Variants in GRID2 observed in about 807,000 individuals in gnomAD.
GRID2 encodes the protein glutamate receptor ionotropic, delta-2.
A neutral mutation model predicts 114.8 loss-of-function variants in GRID2; 33 were observed. The ratio of observed to expected loss-of-function variants is 0.29; its 90% CI spans 0.22 to 0.38. GRID2 has a LOEUF of 0.38. Among genes scored for constraint, GRID2 ranks in the 10% least tolerant of loss-of-function variants. The probability of loss-of-function intolerance (pLI) is 1.00; values close to 1 mark genes in which losing one functional copy is unlikely to be tolerated. For synonymous variants in GRID2, 505 were observed against 449.9 expected, an observed-to-expected ratio of 1.12 and a Z score of -1.55; for missense variants, 1,184 against 1,257.7, an observed-to-expected ratio of 0.94 and a Z score of 0.89.
chr4:93,374,204 G>T (rs1033581955), intron 8 of GRID2, among the ~76,000 whole-genome samples: 4 of 152,044 alleles, frequency 2.6e-5, no homozygotes, highest in African/African-American at 9.7e-5. Context: ...ACCTAAAAAA[G>T]GCAATAATAT....
intron 4 of GRID2, among the ~76,000 whole-genome samples, chr4:93,207,114 CA>C (rs1560986113): frequency 6.6e-6 from 1 of 152,018 alleles, no homozygotes; most frequent in Non-Finnish European, 1.5e-5. Flanking sequence ...AGTTAAATCA[CA>C]AAACAGTGTA....
At chr4:93,333,580 G>T (rs1758724009) in intron 8 of GRID2, among the ~76,000 whole-genome samples, 1 of 152,110 alleles carries the variant, frequency 6.6e-6, no homozygotes, top group Admixed American at 6.6e-5. Flanking sequence ...ACCACTACTA[G>T]TATCCTTTGT....
chr4:92,884,544 T>G (rs912680366), intron 2 of GRID2: 1 of 155,330 alleles, frequency 6.4e-6, no homozygotes, highest in Non-Finnish European at 1.4e-5. Flanking sequence ...TTGTGTCTAG[T>G]TTTGATTTTA....
chr4:93,019,112 A>G (rs1378369361), intron 2 of GRID2, among the ~76,000 whole-genome samples: 1 of 152,134 alleles, frequency 6.6e-6, no homozygotes, highest in East Asian at 1.9e-4. Context: ...ATATTCATCA[A>G]TGTTTTTCAG....
chr4:92,546,782 C>T (rs1726284863), intron 1 of GRID2, among the ~76,000 whole-genome samples: 1 of 151,984 alleles, frequency 6.6e-6, no homozygotes, highest in African/African-American at 2.4e-5. Context: ...ATACTGCCTA[C>T]AAAGGAAAAA....
chr4:92,415,772 A>ATATATATATATATG (rs1731582640), intron 1 of GRID2, among the ~76,000 whole-genome samples: 3 of 123,254 alleles, frequency 2.4e-5, no homozygotes, highest in Non-Finnish European at 4.9e-5. Context: ...ATATATATAT[A>ATATATATATATATG]TATATATATC....
At chr4:92,515,240 A>G (rs1724443929) in intron 1 of GRID2, among the ~76,000 whole-genome samples, 1 of 151,832 alleles carries the variant, frequency 6.6e-6, no homozygotes, top group African/African-American at 2.4e-5. Flanking sequence ...ACCATTTTTT[A>G]TTTCTGTTCC....
chr4:93,538,858 A>C (rs1732370550), intron 13 of GRID2, among the ~76,000 whole-genome samples: 1 of 151,588 alleles, frequency 6.6e-6, no homozygotes, highest in Non-Finnish European at 1.5e-5. Flanking sequence ...AATGTTTGAT[A>C]GGGTTGGGAA....
At chr4:92,736,855 A>G (rs1352397383) in intron 2 of GRID2, among the ~76,000 whole-genome samples, 1 of 152,114 alleles carries the variant, frequency 6.6e-6, no homozygotes, top group Non-Finnish European at 1.5e-5. Flanking sequence ...GAAGGAAGAG[A>G]TCACTGTGGA....
intron 2 of GRID2, among the ~76,000 whole-genome samples, chr4:93,072,254 T>C (rs1463064156): frequency 1.3e-5 from 2 of 152,114 alleles, no homozygotes; most frequent in Non-Finnish European, 2.9e-5. Flanking sequence ...GAGGGACAAG[T>C]ACTTTCAAAG....
chr4:92,477,647 T>A (rs913198831), intron 1 of GRID2, among the ~76,000 whole-genome samples: 1 of 151,172 alleles, frequency 6.6e-6, no homozygotes, highest in African/African-American at 2.4e-5. Flanking sequence ...TATTTGGTTT[T>A]AATATATATA....
intron 1 of GRID2, among the ~76,000 whole-genome samples, chr4:92,437,541 T>A (rs979258911): frequency 6.6e-6 from 1 of 152,242 alleles, no homozygotes; most frequent in Non-Finnish European, 1.5e-5. Context: ...AGTGCTGGGA[T>A]TACAGGCGTG....
intron 2 of GRID2, among the ~76,000 whole-genome samples, chr4:92,869,508 T>A (rs971794166): frequency 6.6e-6 from 1 of 152,220 alleles, no homozygotes; most frequent in African/African-American, 2.4e-5. Flanking sequence ...GCAGAGATCT[T>A]AGCCCATCTT....
chr4:93,498,476 G>A (rs2149470221), intron 12 of GRID2, among the ~76,000 whole-genome samples: 1 of 151,914 alleles, frequency 6.6e-6, no homozygotes, highest in Admixed American at 6.6e-5. Flanking sequence ...TAAAATCATA[G>A]TAATTGAATT....
chr4:92,532,260 C>T (rs1365413644), intron 1 of GRID2, among the ~76,000 whole-genome samples: 2 of 152,106 alleles, frequency 1.3e-5, no homozygotes, highest in Non-Finnish European at 2.9e-5. Flanking sequence ...TGCAGGATCA[C>T]AGTTTGTGTT....
At chr4:92,413,614 A>G (rs758909647) in intron 1 of GRID2, among the ~76,000 whole-genome samples, 4 of 152,182 alleles carry the variant, frequency 2.6e-5, no homozygotes, top group Non-Finnish European at 5.9e-5. Context: ...GAGTTTACAT[A>G]TGGAAAGTGT....
chr4:93,059,438 A>G (rs545491106), intron 2 of GRID2, among the ~76,000 whole-genome samples: 2 of 152,058 alleles, frequency 1.3e-5, no homozygotes, highest in Non-Finnish European at 2.9e-5. Context: ...CAATTCCATC[A>G]TGCTCACTAG....
intron 8 of GRID2, among the ~76,000 whole-genome samples, chr4:93,339,498 G>T (rs1024498543): frequency 2.6e-5 from 4 of 152,212 alleles, no homozygotes; most frequent in East Asian, 1.9e-4. Flanking sequence ...GGCAAGAAAG[G>T]GTTCCCCTGC....
At chr4:92,994,987 A>T (rs1560779009) in intron 2 of GRID2, among the ~76,000 whole-genome samples, 1 of 150,390 alleles carries the variant, frequency 6.6e-6, no homozygotes, top group African/African-American at 2.4e-5. Context: ...GCAAACATGT[A>T]TTTTTTTTTT....
Sources: allele counts gnomAD v4.1 joint callset (sites outside exome capture counted in the v4.1 genomes callset), GRCh38; gene constraint gnomAD v4.1.1; transcripts MANE v1.5; gene names NCBI Gene and HGNC (gene_info 2026-07-23, HGNC 2026-07-21).